The following NCKAP5 variants were observed in gnomAD, a reference collection of about 807,000 sequenced individuals.
NCKAP5 encodes the protein NCK associated protein 5.
A neutral mutation model predicts 167.0 loss-of-function variants in NCKAP5; 92 were observed. The ratio of observed to expected loss-of-function variants is 0.55; its 90% confidence interval spans 0.47 to 0.66. NCKAP5 has a LOEUF of 0.66. Ranked by LOEUF, NCKAP5 falls within the 30% of genes least tolerant of loss-of-function variation. NCKAP5 has a pLI of 0.00. For synonymous variants in NCKAP5, 891 were observed against 877.4 expected, an observed-to-expected ratio of 1.02 and a Z score of -0.27; for missense variants, 2,378 against 2,315.0, an observed-to-expected ratio of 1.03 and a Z score of -0.56.
chr2:132,903,510 G>A (rs1693782984), intron 8 of NCKAP5, among the ~76,000 whole-genome samples: 1 of 152,214 alleles, frequency 6.6e-6, no homozygotes, highest in African/African-American at 2.4e-5. Context: ...TGTGACAAAT[G>A]TATGTTGACA....
At chr2:132,706,206 T>C (rs1688346532) in intron 19 of NCKAP5, among the ~76,000 whole-genome samples, 1 of 152,170 alleles carries the variant, frequency 6.6e-6, no homozygotes, top group African/African-American at 2.4e-5. Flanking sequence ...GAGTCAGGTA[T>C]CCCTATTCGG....
the NCKAP5 span, among the ~76,000 whole-genome samples, chr2:133,647,702 GAAAGAAAAAGA>G: frequency 3.0e-5 from 1 of 33,020 alleles, no homozygotes; most frequent in Admixed American, 5.1e-4. Context: ...AAGAAAGAAG[GAAAGAAAAAGA>G]AAGGAAGGAA....
At chr2:132,694,722 T>G (rs976399048) in intron 19 of NCKAP5, among the ~76,000 whole-genome samples, 1 of 152,154 alleles carries the variant, frequency 6.6e-6, no homozygotes. Context: ...TAATGAACAG[T>G]GTATGACCAA....
chr2:132,927,135 A>G (rs1214064963), intron 8 of NCKAP5, among the ~76,000 whole-genome samples: 2 of 152,002 alleles, frequency 1.3e-5, no homozygotes, highest in Non-Finnish European at 1.5e-5. Context: ...TGGTATTCTT[A>G]GTGTATGTTT....
At chr2:132,896,454 G>A (rs1014877471) in intron 8 of NCKAP5, among the ~76,000 whole-genome samples, 3 of 152,170 alleles carry the variant, frequency 2.0e-5, no homozygotes, top group Non-Finnish European at 2.9e-5. Flanking sequence ...AAGTGAGTGG[G>A]TAGGAGTTGG....
intron 3 of NCKAP5, among the ~76,000 whole-genome samples, chr2:133,393,343 C>A (rs867696526): frequency 1.3e-5 from 2 of 152,172 alleles, no homozygotes; most frequent in South Asian, 2.1e-4. Flanking sequence ...CCCATGAAAG[C>A]TTTACAGTTA....
intron 3 of NCKAP5, among the ~76,000 whole-genome samples, chr2:133,323,212 TTAACTC>T (rs1164222183): frequency 2.0e-5 from 3 of 152,212 alleles, no homozygotes; most frequent in African/African-American, 7.2e-5. Flanking sequence ...GCAATTTTCT[TTAACTC>T]TATTTCGTGA....
At chr2:133,642,251 C>G in the NCKAP5 span, among the ~76,000 whole-genome samples, 1 of 152,162 alleles carries the variant, frequency 6.6e-6, no homozygotes, top group Admixed American at 6.5e-5. Context: ...ACAGGATCAC[C>G]TCCATGACAC....
chr2:133,282,692 C>G (rs1376871859), intron 4 of NCKAP5, among the ~76,000 whole-genome samples: 1 of 152,164 alleles, frequency 6.6e-6, no homozygotes, highest in African/African-American at 2.4e-5. Flanking sequence ...CTCTTCTAAT[C>G]TGTGGTTTAG....
intron 6 of NCKAP5, among the ~76,000 whole-genome samples, chr2:133,033,911 C>A (rs958378781): frequency 6.6e-6 from 1 of 151,890 alleles, no homozygotes; most frequent in Non-Finnish European, 1.5e-5. Flanking sequence ...AGTTACTGGC[C>A]TTAAAGAAGA....
At chr2:133,350,783 A>G (rs893500167) in intron 3 of NCKAP5, among the ~76,000 whole-genome samples, 78 of 152,022 alleles carry the variant, frequency 5.1e-4, no homozygotes, top group African/African-American at 1.9e-3. Context: ...ACCCCCTTTT[A>G]GTCCTCAGGA....
chr2:133,125,219 CTTT>C (rs777940751), intron 6 of NCKAP5, among the ~76,000 whole-genome samples: 1 of 142,774 alleles, frequency 7.0e-6, no homozygotes, highest in African/African-American at 2.6e-5. Flanking sequence ...ATTACTCTAC[CTTT>C]TTTTTTTTTT....
At chr2:132,834,892 A>G (rs957855597) in intron 11 of NCKAP5, among the ~76,000 whole-genome samples, 2 of 152,176 alleles carry the variant, frequency 1.3e-5, no homozygotes, top group African/African-American at 4.8e-5. Flanking sequence ...GTCTCATTCC[A>G]GTTCTTAGAG....
Position 133,130,083 on chromosome 2 carries a change from T to A in NCKAP5, c.236A>T (p.Glu79Val), listed in dbSNP as rs772373531. ...GCTTTGAAGACGTAAGTGTCTCTCCTCTTCCAGTTCATGTATCAGCTTCTC... is the reference window on the plus strand; with the variant it reads ...GCTTTGAAGACGTAAGTGTCTCTCCACTTCCAGTTCATGTATCAGCTTCTC... The part of the protein sequence containing the change: ...MHEKLIHELE[E>V]ERHLRLQSEK... Residue 79 changes from glutamate to valine, a missense_variant, in exon 6 of 20, where the codon GAG (glutamate) becomes GTG (valine). Glu to Val is a moderately radical substitution (Grantham distance 121, BLOSUM62 -2). Transcript: ENST00000409261. 1 of 1,611,432 alleles carries A rather than the reference T, an allele frequency of 6.2e-7. No homozygotes were observed. The highest frequency in any genetic ancestry group is 1.7e-5 in the Admixed American group (1 of 59,402).
At chr2:132,714,351 C>T (rs184903248) in intron 19 of NCKAP5, among the ~76,000 whole-genome samples, 180 of 152,284 alleles carry the variant, frequency 1.2e-3, no homozygotes, top group African/African-American at 3.4e-3. Flanking sequence ...AATTGTTCTG[C>T]GTATCAGTCC....
At chr2:133,416,798 C>A (rs1689139212) in intron 3 of NCKAP5, among the ~76,000 whole-genome samples, 1 of 152,168 alleles carries the variant, frequency 6.6e-6, no homozygotes, top group African/African-American at 2.4e-5. Context: ...TGAGAGGCAG[C>A]TCATGCCCCT....
intron 6 of NCKAP5, among the ~76,000 whole-genome samples, chr2:133,124,716 C>T (rs2082348347): frequency 6.6e-6 from 1 of 152,142 alleles, no homozygotes; most frequent in Non-Finnish European, 1.5e-5. Context: ...TTACTAGGCA[C>T]ACAATAAAAG....
intron 3 of NCKAP5, among the ~76,000 whole-genome samples, chr2:133,311,264 A>C (rs900868544): frequency 3.9e-5 from 6 of 152,212 alleles, no homozygotes; most frequent in African/African-American, 1.4e-4. Flanking sequence ...GAACTCAAGG[A>C]AGCATTTTAC....
At chr2:132,769,751 T>C (rs1327452014) in intron 16 of NCKAP5, among the ~76,000 whole-genome samples, 1 of 152,218 alleles carries the variant, frequency 6.6e-6, no homozygotes. Context: ...GGATTGGCTG[T>C]ATGATTCATT....
Sources: allele counts gnomAD v4.1 joint callset (sites outside exome capture counted in the v4.1 genomes callset), GRCh38; gene constraint gnomAD v4.1.1; transcripts MANE v1.5; gene names NCBI Gene and HGNC (gene_info 2026-07-23, HGNC 2026-07-21).